PCNX1: variants seen among roughly 807,000 people sequenced by gnomAD.
The protein encoded by PCNX1 is pecanex-like protein 1.
Under a neutral mutation model 242.2 loss-of-function variants are expected in PCNX1, and 78 were observed. The observed-to-expected ratio is 0.32, with a 90% CI of 0.27 to 0.39. The LOEUF (loss-of-function observed/expected upper bound fraction) is 0.39, where lower values mean the gene tolerates loss of function less well. Ranked by LOEUF, PCNX1 falls within the 10% of genes least tolerant of loss-of-function variation. The pLI, the probability that PCNX1 is intolerant of heterozygous loss-of-function variation, is 1.00. For synonymous variants in PCNX1, 1,024 were observed against 1,032.9 expected (o/e 0.99, Z 0.17); for missense variants, 2,581 against 2,856.5 (o/e 0.90, Z 2.20).
intron 2 of PCNX1, among the ~76,000 whole-genome samples, chr14:70,960,356 G>A (rs2058164003): frequency 6.6e-6 from 1 of 151,454 alleles, no homozygotes; most frequent in Non-Finnish European, 1.5e-5. Context: ...GGGTTTTTAT[G>A]GTTTTAGGTC....
At chr14:70,922,369 G>A (rs534363004) in intron 1 of PCNX1, among the ~76,000 whole-genome samples, 9 of 151,920 alleles carry the variant, frequency 5.9e-5, no homozygotes, top group Non-Finnish European at 1.2e-4. Context: ...CCTTTAATAG[G>A]TATTAGATGA....
At chr14:70,948,934 T>C (rs1214744699) in intron 2 of PCNX1, among the ~76,000 whole-genome samples, 1 of 148,224 alleles carries the variant, frequency 6.7e-6, no homozygotes, top group Non-Finnish European at 1.5e-5. Context: ...TATATGTACA[T>C]ATATGTACAT....
intron 17 of PCNX1, among the ~76,000 whole-genome samples, 187 bp from the exon 18 acceptor site, chr14:71,033,744 A>G (rs756945096): frequency 8.5e-5 from 13 of 152,170 alleles, no homozygotes; most frequent in Non-Finnish European, 1.8e-4. Flanking sequence ...TATTGAAACT[A>G]TGTTTTAATA....
At position 71,111,718 on chromosome 14, in the gene PCNX1, C is replaced by G. The variant is rs563822951; in HGVS notation, c.*1783C>G. ...CCACTTTAAAACCTATTTATTTTCC[C>G]TTTTTCTAATTTTAAACTTTTGTGG... On this transcript the variant is annotated 3_prime_UTR_variant, in exon 36 of 36. Transcript: ENST00000304743. 1 of 152,178 alleles carries G rather than the reference C, an allele frequency of 6.6e-6. No homozygotes were observed. Among genetic ancestry groups the G allele is most frequent in the East Asian group, 1.9e-4 (1 of 5,176 alleles). 9.4% of individuals were successfully genotyped at this position (152,178 alleles called of 1,614,324 possible).
chr14:71,002,114 CGT>C (rs1385501899), intron 8 of PCNX1, among the ~76,000 whole-genome samples: 2 of 152,178 alleles, frequency 1.3e-5, no homozygotes, highest in African/African-American at 4.8e-5. Flanking sequence ...GGGAAGATTC[CGT>C]TCAGAGGAAC....
Position 70,976,996 on chromosome 14 carries a change from C to G in PCNX1, c.659C>G (p.Ser220Cys), listed in dbSNP as rs768508822. The change falls in exon 6 of 36, where the codon TCT (serine) becomes TGT (cysteine). Residue 220 changes from serine (S) to cysteine (C), a missense_variant. Ser to Cys is a moderately radical substitution (Grantham distance 112, BLOSUM62 -1). Coordinates refer to ENST00000304743, the MANE Select transcript of PCNX1 (RefSeq NM_014982.3). The part of the protein sequence containing the change: ...FRLVSNDSFI[S>C]IQPSLSSCGQ... ...CTTGTCTCCAATGACTCCTTCATCT[C>G]TATTCAGCCTTCCTTATCCTCTTGT... The G allele has an allele frequency of 5.0e-6, 8 of 1,613,970 alleles. No individual in the cohort carries two copies. The East Asian group carries it at 1.1e-4, about 22-fold the overall frequency.
rs1320810626 is a variant in PCNX1 at position 71,115,368 on chromosome 14, T to G, written c.*5433T>G. 1 of 152,580 alleles carries G rather than the reference T, an allele frequency of 6.6e-6. No individual in the cohort carries two copies. Among genetic ancestry groups the G allele is most frequent in the Non-Finnish European group, 1.5e-5 (1 of 68,020 alleles). The allele number at this position is 152,580 out of a possible 1,614,324, so 9.5% of individuals were successfully genotyped here. On this transcript the variant is annotated 3_prime_UTR_variant, in exon 36 of 36. Transcript: ENST00000304743. ...TGGATAAAACACTGAGGAAATAAAT[T>G]TTTTTTCATTTTGCCTTCTGTCCAT...
chr14:71,109,661 G>T, intron 35 of PCNX1, 69 bp downstream of exon 35: 1 of 1,588,292 alleles, frequency 6.3e-7, no homozygotes, highest in Admixed American at 1.7e-5. Flanking sequence ...TTGGATGCAT[G>T]GTTTTAGCTG....
intron 2 of PCNX1, among the ~76,000 whole-genome samples, chr14:70,959,691 C>T (rs1193575148): frequency 1.3e-5 from 2 of 150,748 alleles, no homozygotes; most frequent in Non-Finnish European, 1.5e-5. Flanking sequence ...AGTAAACATA[C>T]GTGTGCATGT....
chr14:71,042,669 A>T (rs974769412), intron 19 of PCNX1, among the ~76,000 whole-genome samples: 2 of 152,024 alleles, frequency 1.3e-5, no homozygotes, highest in Non-Finnish European at 1.5e-5. Context: ...ACATCAGGAT[A>T]CACATCTGGA....
chr14:71,023,404 T>A (rs1008715455), intron 13 of PCNX1, among the ~76,000 whole-genome samples, 172 bp downstream of exon 13: 1 of 152,162 alleles, frequency 6.6e-6, no homozygotes, highest in South Asian at 2.1e-4. Flanking sequence ...ATAGGTGTTT[T>A]GTTAGCTTGA....
At chr14:70,976,907 T>G in intron 5 of PCNX1, 35 bp from the exon 6 acceptor site, 1 of 1,571,160 alleles carries the variant, frequency 6.4e-7, no homozygotes, top group Non-Finnish European at 8.7e-7. Context: ...GATCATACAT[T>G]TATTTTAACA....
intron 8 of PCNX1, among the ~76,000 whole-genome samples, chr14:71,006,725 A>G (rs1180731546): frequency 6.6e-6 from 1 of 152,322 alleles, no homozygotes; most frequent in Admixed American, 6.5e-5. Flanking sequence ...ATAAACCAAT[A>G]GTAATATATA....
Position 70,907,766 on chromosome 14 carries a change from G to GGGGCC in PCNX1, c.-85_-84insGGGCC, listed in dbSNP as rs2055621767. Reference sequence around the variant, plus strand: ...CCGGAGGTGGATAGACGGGGCAGCTGCAGGCTCCGGCGACCGAGGCCGAGC... The same window carrying GGGGCC: ...CCGGAGGTGGATAGACGGGGCAGCTGGGGCCCAGGCTCCGGCGACCGAGGCCGAGC... On this transcript the variant is annotated 5_prime_UTR_variant, in exon 1 of 36. Coordinates refer to ENST00000304743, the MANE Select transcript of PCNX1 (RefSeq NM_014982.3). 1 of 1,186,498 alleles carries GGGGCC rather than the reference G, an allele frequency of 8.4e-7. No homozygotes were observed. Among genetic ancestry groups the GGGGCC allele is most frequent in the African/African-American group, 1.6e-5 (1 of 62,024 alleles). The allele number at this position is 1,186,498 out of a possible 1,614,324, so 73.5% of individuals were successfully genotyped here.
rs985838838 is a variant in PCNX1, at chr14:71,110,893, A to G, written c.*958A>G. 1 of 152,784 alleles carries G rather than the reference A, an allele frequency of 6.5e-6. No individual in the cohort carries two copies. Among genetic ancestry groups the G allele is most frequent in the East Asian group, 1.9e-4 (1 of 5,188 alleles). 9.5% of individuals were successfully genotyped at this position (152,784 alleles called of 1,614,324 possible). Reference sequence around the variant, plus strand: ...GAAAACAATTTTCTTTAAGAAGAAGATGAATGTCCAGGAATTTAAAGAAAG... The same window carrying G: ...GAAAACAATTTTCTTTAAGAAGAAGGTGAATGTCCAGGAATTTAAAGAAAG... On this transcript the variant is annotated 3_prime_UTR_variant, in exon 36 of 36. Coordinates refer to ENST00000304743, the MANE Select transcript of PCNX1 (RefSeq NM_014982.3).
chr14:70,965,181 CTTTCT>C (rs760750184), intron 3 of PCNX1, among the ~76,000 whole-genome samples: 3 of 152,114 alleles, frequency 2.0e-5, no homozygotes, highest in Non-Finnish European at 4.4e-5. Context: ...CATTTCCATT[CTTTCT>C]TTTCATTCCT....
chr14:71,044,450 C>G (rs1454809278), intron 19 of PCNX1: 1 of 152,338 alleles, frequency 6.6e-6, no homozygotes, highest in Non-Finnish European at 1.5e-5. Context: ...TTGCCACAAC[C>G]TTCATAGTCA....
At chr14:71,070,899 C>T (rs1017715802) in intron 26 of PCNX1, among the ~76,000 whole-genome samples, 15 of 152,212 alleles carry the variant, frequency 9.9e-5, no homozygotes, top group African/African-American at 3.6e-4. Context: ...TAGATGGCAT[C>T]TTCTTTCCGT....
intron 8 of PCNX1, 151 bp downstream of exon 8, chr14:70,996,076 T>C: frequency 3.3e-6 from 2 of 609,822 alleles, no homozygotes; most frequent in East Asian, 5.5e-5. Flanking sequence ...GTTAGGAAAA[T>C]GTGACTTTTT....
Sources: gnomAD v4.1 joint callset for allele counts (sites outside exome capture counted in the v4.1 genomes callset) on GRCh38, gnomAD v4.1.1 for gene constraint, MANE v1.5 for transcripts, NCBI Gene and HGNC (gene_info 2026-07-23, HGNC 2026-07-21) for gene names.